The following POC1B variants were observed in gnomAD, a reference collection of about 807,000 sequenced individuals.
POC1B encodes the protein POC1 centriolar protein homolog B.
Under a neutral mutation model 60.6 loss-of-function variants are expected in POC1B, and 44 were observed. The observed-to-expected ratio is 0.73, with a 90% CI of 0.57 to 0.93. The LOEUF (loss-of-function observed/expected upper bound fraction) is 0.93, where lower values mean the gene tolerates loss of function less well. Among genes scored for constraint, POC1B ranks in the 40% least tolerant of loss-of-function variants. The probability of loss-of-function intolerance (pLI) is 0.00; values close to 1 mark genes in which losing one functional copy is unlikely to be tolerated. For missense variants in POC1B, 555 were observed against 572.3 expected, an observed-to-expected ratio of 0.97 and a Z score of 0.31; for synonymous variants, 180 against 198.9, an observed-to-expected ratio of 0.90 and a Z score of 0.80.
At chr12:89,448,098 A>C (rs969731013) in intron 10 of POC1B, among the ~76,000 whole-genome samples, 2 of 152,074 alleles carry the variant, frequency 1.3e-5, no homozygotes, top group African/African-American at 4.8e-5. Flanking sequence ...CAAGATTTCC[A>C]ACCCAACTAA....
the POC1B span, among the ~76,000 whole-genome samples, chr12:89,403,366 G>C: frequency 2.6e-5 from 4 of 152,088 alleles, no homozygotes; most frequent in Non-Finnish European, 5.9e-5. Flanking sequence ...ACTGTGATGA[G>C]AGCTGAGAAA....
At chr12:89,467,968 G>A (rs987356785) in intron 7 of POC1B, among the ~76,000 whole-genome samples, 4 of 152,124 alleles carry the variant, frequency 2.6e-5, no homozygotes, top group Admixed American at 1.3e-4. Flanking sequence ...ACATATGTAA[G>A]TTCATAAGAA....
chr12:89,476,794 T>A (rs1883140238), intron 4 of POC1B, among the ~76,000 whole-genome samples: 1 of 150,274 alleles, frequency 6.7e-6, no homozygotes, highest in East Asian at 2.0e-4. Context: ...TTATAAAAAA[T>A]TCAAATTTTC....
At chr12:89,472,123 C>A in intron 5 of POC1B, 45 bp downstream of exon 5, 2 of 1,256,172 alleles carry the variant, frequency 1.6e-6, no homozygotes, top group Non-Finnish European at 2.3e-6. Flanking sequence ...CAAACGTCTC[C>A]TTAGAAAACT....
chr12:89,519,060 T>C (rs1480876352), intron 2 of POC1B, among the ~76,000 whole-genome samples: 2 of 152,044 alleles, frequency 1.3e-5, no homozygotes, highest in African/African-American at 2.4e-5. Context: ...AATATGAGGA[T>C]ATGTGGTTTA....
chr12:89,472,066 C>T, intron 5 of POC1B, 102 bp downstream of exon 5: 2 of 846,980 alleles, frequency 2.4e-6, no homozygotes, highest in East Asian at 2.6e-5. Flanking sequence ...CTGCACCCGG[C>T]CATATTTCAA....
At chr12:89,439,458 C>A (rs1482563456) in intron 10 of POC1B, among the ~76,000 whole-genome samples, 1 of 152,190 alleles carries the variant, frequency 6.6e-6, no homozygotes, top group Non-Finnish European at 1.5e-5. Context: ...ACACAAATCA[C>A]CTGGGGATCT....
chr12:89,483,069 G>A (rs970750899), intron 4 of POC1B, among the ~76,000 whole-genome samples: 4 of 151,862 alleles, frequency 2.6e-5, no homozygotes, highest in Admixed American at 1.3e-4. Context: ...GCTCCACCAC[G>A]CCCAGCTAAT....
At chr12:89,484,861 T>C (rs1007530660) in intron 4 of POC1B, among the ~76,000 whole-genome samples, 1 of 152,190 alleles carries the variant, frequency 6.6e-6, no homozygotes, top group Non-Finnish European at 1.5e-5. Flanking sequence ...CCAGCAGTAC[T>C]GATCACTGGC....
At position 89,497,178 on chromosome 12, in the gene POC1B, G is replaced by T; in HGVS notation, c.265C>A (p.Pro89Thr). ...SRDRTVRLWI[P>T]DKRGKFSEFK... Reference sequence around the variant, plus strand: ...TTTCTTTGTTTCTCTTACTTATCAGGAATCCAGAGTCTCACGGTTCTGTCT... The same window carrying T: ...TTTCTTTGTTTCTCTTACTTATCAGTAATCCAGAGTCTCACGGTTCTGTCT... Residue 89 changes from proline to threonine, a missense_variant, in exon 3 of 12, where the codon CCT becomes ACT. Pro to Thr is a conservative substitution (Grantham distance 38). Transcript: ENST00000313546. The T allele has an allele frequency of 6.2e-7, 1 of 1,611,972 alleles. No individual in the cohort carries two copies. Among genetic ancestry groups the T allele is most frequent in the Non-Finnish European group, 8.5e-7 (1 of 1,179,200 alleles).
At chr12:89,441,945 C>T (rs1052561402) in intron 10 of POC1B, among the ~76,000 whole-genome samples, 4 of 152,110 alleles carry the variant, frequency 2.6e-5, no homozygotes, top group Non-Finnish European at 5.9e-5. Context: ...AACCACGGCA[C>T]GAGAACCATG....
chr12:89,413,188 C>T, the POC1B span, among the ~76,000 whole-genome samples: 4 of 151,704 alleles, frequency 2.6e-5, no homozygotes, highest in African/African-American at 9.7e-5. Flanking sequence ...TGGGAGCCAC[C>T]ATGCCTTGCC....
At chr12:89,504,140 C>A (rs1389690467) in intron 2 of POC1B, among the ~76,000 whole-genome samples, 1 of 151,588 alleles carries the variant, frequency 6.6e-6, no homozygotes, top group South Asian at 2.1e-4. Flanking sequence ...GCCATGATGA[C>A]GATGGCGGTT....
chr12:89,421,285 T>C (rs750430407), intron 11 of POC1B, 28 bp from the exon 12 acceptor site: 3 of 1,527,762 alleles, frequency 2.0e-6, no homozygotes, highest in Non-Finnish European at 2.7e-6. Context: ...AAATAATCAA[T>C]GCCTGGTCCT....
chr12:89,477,923 C>A (rs569528387), intron 4 of POC1B, among the ~76,000 whole-genome samples: 1 of 152,174 alleles, frequency 6.6e-6, no homozygotes, highest in South Asian at 2.1e-4. Context: ...CAAACACTGC[C>A]CCCTAGTCTT....
At chr12:89,487,739 T>C (rs563218416) in intron 4 of POC1B, among the ~76,000 whole-genome samples, 62 of 152,324 alleles carry the variant, frequency 4.1e-4, no homozygotes, top group African/African-American at 1.4e-3. Flanking sequence ...GGCTCCCTCA[T>C]GAAGACAGCT....
chr12:89,507,858 T>C (rs1395182725), intron 2 of POC1B, among the ~76,000 whole-genome samples: 3 of 152,254 alleles, frequency 2.0e-5, no homozygotes, highest in Non-Finnish European at 2.9e-5. Flanking sequence ...CAAAATCAGC[T>C]GCAGTTACTT....
At position 89,497,193 on chromosome 12, in the gene POC1B, C is replaced by T. The variant is rs201760623; in HGVS notation, c.250G>A (p.Val84Met). Residue 84 changes from valine to methionine, a missense_variant, in exon 3 of 12, where the codon GTG (valine) becomes ATG (methionine). Transcript: ENST00000313546. ...TACTTATCAGGAATCCAGAGTCTCA[C>T]GGTTCTGTCTCGTGAGGCAGACGCC... Reference protein sequence around the residue: ...LLASASRDRTVRLWIPDKRGK... With the variant: ...LLASASRDRTMRLWIPDKRGK... 2.2e-5 allele frequency: 36 copies of T among 1,613,636 alleles called. No individual in the cohort carries two copies. Among genetic ancestry groups the T allele is most frequent in the East Asian group, 2.2e-5 (1 of 44,880 alleles).
At chr12:89,503,354 T>G (rs536486378) in intron 2 of POC1B, among the ~76,000 whole-genome samples, 76 of 152,336 alleles carry the variant, frequency 5.0e-4, no homozygotes, top group African/African-American at 1.7e-3. Context: ...TAACCGCGAG[T>G]GATCTGCCAG....
Sources: gnomAD v4.1 joint callset for allele counts (sites outside exome capture counted in the v4.1 genomes callset) on GRCh38, gnomAD v4.1.1 for gene constraint, MANE v1.5 for transcripts, NCBI Gene and HGNC (gene_info 2026-07-23, HGNC 2026-07-21) for gene names.